DPYD: variants seen among roughly 807,000 people sequenced by gnomAD.
DPYD encodes the protein dihydropyrimidine dehydrogenase.
DPYD carries 109 observed loss-of-function variants against 116.2 expected under a neutral mutation model. The ratio of observed to expected loss-of-function variants is 0.94; its 90% confidence interval spans 0.80 to 1.10. DPYD has a LOEUF of 1.10. Ranked by LOEUF, DPYD falls within the 50% of genes least tolerant of loss-of-function variation. The probability of loss-of-function intolerance (pLI) is 0.00; values close to 1 mark genes in which losing one functional copy is unlikely to be tolerated. For synonymous variants in DPYD, 440 were observed against 432.0 expected (o/e 1.02, Z -0.23); for missense variants, 1,302 against 1,254.5 (o/e 1.04, Z -0.57).
intron 1 of DPYD, among the ~76,000 whole-genome samples, chr1:97,911,466 T>C (rs1673931856): frequency 6.6e-6 from 1 of 152,114 alleles, no homozygotes; most frequent in Non-Finnish European, 1.5e-5. Context: ...AAGAGTCATT[T>C]TGGTTGGCAC....
At chr1:97,778,084 T>A (rs542008318) in intron 3 of DPYD, among the ~76,000 whole-genome samples, 5 of 141,712 alleles carry the variant, frequency 3.5e-5, no homozygotes, top group African/African-American at 1.3e-4. Context: ...CTTGAACCCA[T>A]GAGACGGAGA....
At chr1:97,852,928 A>C (rs1225731239) in intron 2 of DPYD, among the ~76,000 whole-genome samples, 2 of 152,180 alleles carry the variant, frequency 1.3e-5, no homozygotes, top group Non-Finnish European at 2.9e-5. Context: ...GGGATACTTC[A>C]CCAATTTATT....
chr1:97,173,391 T>C (rs185829518), intron 20 of DPYD, among the ~76,000 whole-genome samples: 4 of 138,912 alleles, frequency 2.9e-5, no homozygotes, highest in Admixed American at 2.9e-4. Flanking sequence ...TATACGTACA[T>C]ATATGTGTGT....
At chr1:97,584,329 G>A (rs1312987915) in intron 10 of DPYD, among the ~76,000 whole-genome samples, 1 of 151,948 alleles carries the variant, frequency 6.6e-6, no homozygotes, top group Non-Finnish European at 1.5e-5. Flanking sequence ...CAGATGAGTA[G>A]GTTGCAAAAA....
chr1:97,446,433 T>C (rs1168298611), intron 14 of DPYD, among the ~76,000 whole-genome samples: 1 of 152,240 alleles, frequency 6.6e-6, no homozygotes, highest in Non-Finnish European at 1.5e-5. Flanking sequence ...GGAGTGCTGA[T>C]GTAGATCAAC....
At chr1:97,514,598 A>G (rs916645658) in intron 13 of DPYD, among the ~76,000 whole-genome samples, 2 of 151,936 alleles carry the variant, frequency 1.3e-5, no homozygotes, top group Non-Finnish European at 2.9e-5. Context: ...AGCTGAATCT[A>G]GTATATTCTG....
At chr1:97,572,442 T>C (rs369754269) in intron 11 of DPYD, among the ~76,000 whole-genome samples, 1 of 151,958 alleles carries the variant, frequency 6.6e-6, no homozygotes, top group Non-Finnish European at 1.5e-5. Context: ...ATTAGGATTG[T>C]CAATTATGGA....
chr1:97,476,266 G>T (rs1273091096), intron 13 of DPYD, among the ~76,000 whole-genome samples: 14 of 152,106 alleles, frequency 9.2e-5, no homozygotes, highest in Admixed American at 9.2e-4. Flanking sequence ...TTCTGGGTTG[G>T]ACTATCAATC....
chr1:97,709,845 A>G (rs1291714955), intron 5 of DPYD, among the ~76,000 whole-genome samples: 1 of 151,884 alleles, frequency 6.6e-6, no homozygotes, highest in African/African-American at 2.4e-5. Flanking sequence ...GAAAATAAAC[A>G]TAAATGTTTG....
intron 5 of DPYD, among the ~76,000 whole-genome samples, chr1:97,721,297 G>T (rs1336432951): frequency 6.6e-6 from 1 of 151,606 alleles, no homozygotes; most frequent in East Asian, 1.9e-4. Context: ...ATAACCTGCT[G>T]GGATTGCAAC....
intron 18 of DPYD, among the ~76,000 whole-genome samples, chr1:97,242,124 G>GTGTA (rs1491301396): frequency 3.1e-4 from 11 of 35,866 alleles, no homozygotes; most frequent in Non-Finnish European, 4.4e-4. Flanking sequence ...GTGTGCGTGT[G>GTGTA]TATATATATA....
intron 8 of DPYD, among the ~76,000 whole-genome samples, chr1:97,639,413 G>T (rs1015198477): frequency 1.3e-5 from 2 of 151,770 alleles, no homozygotes; most frequent in African/African-American, 4.8e-5. Flanking sequence ...AAAAATTATT[G>T]TACTCTATTC....
intron 12 of DPYD, among the ~76,000 whole-genome samples, chr1:97,548,051 G>T (rs181164327): frequency 4.4e-4 from 67 of 152,208 alleles, no homozygotes; most frequent in African/African-American, 1.5e-3. Flanking sequence ...AAAAGAGGAA[G>T]AAATTAAAGG....
rs968332943 is a variant in DPYD at position 97,180,890 on chromosome 1, G to T, written c.2622+12179C>A. On this transcript the variant is annotated intron_variant, in intron 20 of 22. Coordinates refer to ENST00000370192, the MANE Select transcript of DPYD (RefSeq NM_000110.4). ...ATGGACAAGAGAAAGGAACTTATGG[G>T]AGAATGACAACACAATGAAAATGTA... is the stretch of plus-strand genomic sequence containing the variant. 2.6e-5 allele frequency among the ~76,000 whole-genome samples: 4 copies of T among 152,124 alleles called. No individual in the cohort carries two copies. The East Asian group carries it at 5.8e-4, about 22-fold the overall frequency.
intron 18 of DPYD, among the ~76,000 whole-genome samples, chr1:97,282,812 C>T (rs771044146): frequency 2.6e-5 from 4 of 152,016 alleles, no homozygotes; most frequent in Non-Finnish European, 4.4e-5. Flanking sequence ...CGAGTGAGAA[C>T]GGTATTTGGT....
At chr1:97,357,547 A>G (rs1670487440) in intron 16 of DPYD, among the ~76,000 whole-genome samples, 1 of 152,128 alleles carries the variant, frequency 6.6e-6, no homozygotes, top group South Asian at 2.1e-4. Context: ...CTATCTTTTT[A>G]AAACAGACTT....
intron 14 of DPYD, among the ~76,000 whole-genome samples, chr1:97,408,541 T>C (rs1437146997): frequency 6.6e-6 from 1 of 152,164 alleles, no homozygotes; most frequent in Non-Finnish European, 1.5e-5. Flanking sequence ...CTTATTATTG[T>C]CTTTATTTGG....
At chr1:97,433,751 T>A (rs141583213) in intron 14 of DPYD, among the ~76,000 whole-genome samples, 1 of 152,084 alleles carries the variant, frequency 6.6e-6, no homozygotes, top group Non-Finnish European at 1.5e-5. Context: ...CAACTGTGAG[T>A]CATAAAACAT....
intron 8 of DPYD, among the ~76,000 whole-genome samples, chr1:97,653,000 T>A (rs1295722751): frequency 6.6e-6 from 1 of 152,218 alleles, no homozygotes; most frequent in Admixed American, 6.5e-5. Context: ...CTGCCAGTGA[T>A]GATCCTGCTT....
Sources: gnomAD v4.1 joint callset for allele counts (sites outside exome capture counted in the v4.1 genomes callset) on GRCh38, gnomAD v4.1.1 for gene constraint, MANE v1.5 for transcripts, NCBI Gene and HGNC (gene_info 2026-07-23, HGNC 2026-07-21) for gene names.